Variants in CD300A observed in about 807,000 individuals in gnomAD.
CD300A encodes CD300a molecule.
CD300A carries 22 observed loss-of-function variants against 33.6 expected under a neutral mutation model. That is an observed-to-expected ratio of 0.66 (90% CI 0.47 to 0.94). The LOEUF is 0.94. Ranked by LOEUF, CD300A falls within the 40% of genes least tolerant of loss-of-function variation. The pLI, the probability that CD300A is intolerant of heterozygous loss-of-function variation, is 0.00. For synonymous variants in CD300A, 136 were observed against 148.1 expected (o/e 0.92, Z 0.59); for missense variants, 326 against 360.5 (o/e 0.90, Z 0.77).
At position 74,472,663 on chromosome 17, in the gene CD300A, G is replaced by T. The variant is rs557920923; in HGVS notation, c.41-873G>T. ...CTCACCCTGTCACTCAGGCTGGAGT[G>T]CAGTGGTGCCATCTCAGCTCAACAT... On this transcript the variant is annotated intron_variant, in intron 1 of 6. Transcript: ENST00000360141. Among the ~76,000 whole-genome samples, 6 of 150,728 alleles carry T rather than the reference G, an allele frequency of 4.0e-5. No individual in the cohort carries two copies. In the South Asian group the frequency reaches 1.3e-3, roughly 32 times the overall value.
At position 74,481,736 on chromosome 17, in the gene CD300A, AGAGT is replaced by A. The variant is rs1567984847; in HGVS notation, c.681_684del (p.Glu228CysfsTer9). ...CTCCTGCCCACCCAGGCTGCCACGC[AGAGT>A]GAGCTGCACTACGCAAATCTGGAGC... On this transcript the variant is annotated frameshift_variant, in exon 6 of 7. Transcript: ENST00000360141. LOFTEE classifies it high-confidence loss of function. The A allele has an allele frequency of 6.2e-7, 1 of 1,610,142 alleles. No individual in the cohort carries two copies. Among genetic ancestry groups the A allele is most frequent in the East Asian group, 2.2e-5 (1 of 44,784 alleles).
chr17:74,467,617 T>A (rs1905811388), intron 1 of CD300A, among the ~76,000 whole-genome samples: 1 of 152,230 alleles, frequency 6.6e-6, no homozygotes, highest in African/African-American at 2.4e-5. Context: ...TCAGGCCTAG[T>A]CCTAGGGTAT....
chr17:74,466,928 C>G, intron 1 of CD300A, 185 bp downstream of exon 1: 1 of 1,447,644 alleles, frequency 6.9e-7, no homozygotes, highest in Non-Finnish European at 9.1e-7. Context: ...GAGGAAGGAG[C>G]CAGGGCCTCT....
intron 1 of CD300A, among the ~76,000 whole-genome samples, chr17:74,471,893 C>T (rs923590865): frequency 6.6e-6 from 1 of 152,000 alleles, no homozygotes; most frequent in Non-Finnish European, 1.5e-5. Flanking sequence ...AGAAGGAGAC[C>T]CCTACCAAAG....
intron 1 of CD300A, among the ~76,000 whole-genome samples, chr17:74,467,822 A>G (rs2144496570): frequency 6.6e-6 from 1 of 152,248 alleles, no homozygotes. Context: ...GGAAGGTTTC[A>G]GTTCCTGTCT....
chr17:74,481,472 G>C, intron 5 of CD300A, 146 bp downstream of exon 5: 1 of 742,408 alleles, frequency 1.3e-6, no homozygotes, highest in Non-Finnish European at 2.3e-6. Flanking sequence ...TGGGAGATGT[G>C]GTCACTAGGT....
chr17:74,467,081 G>C (rs1905764384), intron 1 of CD300A: 3 of 1,029,578 alleles, frequency 2.9e-6, no homozygotes, highest in Middle Eastern at 4.3e-4. Context: ...GGTGGGTGGA[G>C]AGTGGCAGCC....
chr17:74,477,668 C>T (rs753370920), intron 4 of CD300A, 138 bp downstream of exon 4: 12 of 575,976 alleles, frequency 2.1e-5, no homozygotes, highest in African/African-American at 3.7e-5. Flanking sequence ...CCTAGGTGAT[C>T]CTACAGGGCA....
At chr17:74,476,565 G>A (rs1274211573) in intron 3 of CD300A, among the ~76,000 whole-genome samples, 7 of 152,184 alleles carry the variant, frequency 4.6e-5, no homozygotes, top group Non-Finnish European at 8.8e-5. Context: ...GAATGCAAAC[G>A]TAGGCATGAA....
chr17:74,481,350 G>A (rs1448536715), intron 5 of CD300A, 24 bp downstream of exon 5: 2 of 1,612,036 alleles, frequency 1.2e-6, no homozygotes, highest in East Asian at 2.2e-5. Flanking sequence ...AGCAGGAGGT[G>A]TATCAGGTGG....
At chr17:74,473,389 T>G in intron 1 of CD300A, 147 bp from the exon 2 acceptor site, 2 of 715,946 alleles carry the variant, frequency 2.8e-6, no homozygotes, top group Non-Finnish European at 4.7e-6. Context: ...TAGCCTCTCA[T>G]CCTCAGTCCC....
intron 1 of CD300A, among the ~76,000 whole-genome samples, 161 bp from the exon 2 acceptor site, chr17:74,473,375 G>A (rs538151637): frequency 6.6e-6 from 1 of 152,146 alleles, no homozygotes; most frequent in South Asian, 2.1e-4. Flanking sequence ...CCTGTGTGCG[G>A]AGGTAGCCTC....
Position 74,473,411 on chromosome 17 carries a change from G to C in CD300A, c.41-125G>C, listed in dbSNP as rs896662743. Reference sequence around the variant, plus strand: ...TCATCCTCAGTCCCCGCTCCTGGGTGGACAAGGCCTCTCTGCCTGCCGCTG... The same window carrying C: ...TCATCCTCAGTCCCCGCTCCTGGGTCGACAAGGCCTCTCTGCCTGCCGCTG... On this transcript the variant is annotated intron_variant, in intron 1 of 6. Coordinates refer to ENST00000360141, the MANE Select transcript of CD300A (RefSeq NM_007261.4). 6 of 846,966 alleles carry C rather than the reference G, an allele frequency of 7.1e-6. No individual in the cohort carries two copies. The African/African-American group carries it at 1.0e-4, about 14-fold the overall frequency. The allele number at this position is 846,966 out of a possible 1,614,324, so 52.5% of individuals were successfully genotyped here.
At chr17:74,466,468 C>G (rs1261996014), upstream of CD300A, 2 of 588,962 alleles carry the variant, frequency 3.4e-6, no homozygotes, top group Non-Finnish European at 6.1e-6. Flanking sequence ...GCCGAAGAAC[C>G]TGCAGCCTCA....
chr17:74,477,336 C>G, intron 3 of CD300A, 100 bp from the exon 4 acceptor site: 1 of 761,458 alleles, frequency 1.3e-6, no homozygotes, highest in Non-Finnish European at 2.1e-6. Context: ...GGTAACAGAG[C>G]CAGATCCTGT....
In CD300A at chr17:74,473,579, G is replaced by A. The variant is rs760033750; in HGVS notation, c.84G>A (p.Val28=). 2.5e-6 allele frequency: 4 copies of A among 1,613,942 alleles called. No homozygotes were observed. The highest frequency in any genetic ancestry group is 3.4e-6 in the Non-Finnish European group (4 of 1,179,870). ...AATGCAGGACCGTGGCGGGCCCCGT[G>A]GGGGGATCCCTGAGTGTGCAGTGTC... The part of the protein sequence containing the change: ...LSKCRTVAGP[V]GGSLSVQCPY... The change falls in exon 2 of 7, where the codon GTG becomes GTA. Residue 28 remains valine (V), a synonymous_variant. Coordinates refer to ENST00000360141, the MANE Select transcript of CD300A (RefSeq NM_007261.4).
At chr17:74,477,120 A>G (rs1010500293) in intron 3 of CD300A, among the ~76,000 whole-genome samples, 1 of 152,140 alleles carries the variant, frequency 6.6e-6, no homozygotes, top group Admixed American at 6.5e-5. Context: ...TCATCCCAGC[A>G]TTTTGGGAGG....
At chr17:74,466,782 G>A in intron 1 of CD300A, 39 bp downstream of exon 1, 1 of 1,567,918 alleles carries the variant, frequency 6.4e-7, no homozygotes, top group South Asian at 1.2e-5. Context: ...GCGGCAGGGA[G>A]GGAGGGTGCG....
At chr17:74,470,244 T>C (rs1209422391) in intron 1 of CD300A, 1 of 985,058 alleles carries the variant, frequency 1.0e-6, no homozygotes, top group African/African-American at 1.8e-5. Context: ...TCGTTCCAGG[T>C]AAGTGGGGAA....
Sources: gnomAD v4.1 joint callset for allele counts (sites outside exome capture counted in the v4.1 genomes callset) on GRCh38, gnomAD v4.1.1 for gene constraint, MANE v1.5 for transcripts, NCBI Gene and HGNC (gene_info 2026-07-23, HGNC 2026-07-21) for gene names.